INTU: variants seen among roughly 807,000 people sequenced by gnomAD.
The protein encoded by INTU is inturned planar cell polarity protein.
Under a neutral mutation model 100.5 loss-of-function variants are expected in INTU, and 68 were observed. The ratio of observed to expected loss-of-function variants is 0.68; its 90% CI spans 0.56 to 0.83. The LOEUF is 0.83. Ranked by LOEUF, INTU falls within the 40% of genes least tolerant of loss-of-function variation. The pLI is 0.00. For synonymous variants in INTU, 357 were observed against 395.7 expected (o/e 0.90, Z 1.16); for missense variants, 1,071 against 1,114.7 (o/e 0.96, Z 0.56).
At chr4:127,694,713 T>C (rs370508475) in intron 8 of INTU, among the ~76,000 whole-genome samples, 44 of 152,300 alleles carry the variant, frequency 2.9e-4, no homozygotes, top group East Asian at 2.7e-3. Context: ...TGTGTCTAGA[T>C]TGATATTTTT....
At chr4:127,656,189 C>T (rs1051488845) in intron 2 of INTU, among the ~76,000 whole-genome samples, 12 of 152,172 alleles carry the variant, frequency 7.9e-5, no homozygotes, top group African/African-American at 1.7e-4. Flanking sequence ...TCTTCTGCGT[C>T]GCTCACACTG....
At chr4:127,643,475 T>G (rs762089930) in intron 1 of INTU, 46 bp from the exon 2 acceptor site, 146 of 1,482,652 alleles carry the variant, frequency 9.8e-5, no homozygotes, top group Non-Finnish European at 5.8e-5. Context: ...TACCTTTCTT[T>G]TATATATTGG....
At chr4:127,684,695 A>C (rs1578599508) in intron 7 of INTU, among the ~76,000 whole-genome samples, 8 of 123,876 alleles carry the variant, frequency 6.5e-5, no homozygotes, top group East Asian at 4.6e-4. Context: ...TTATTCCTCC[A>C]CCTCCTTCTT....
At chr4:127,633,609 A>C (rs1413690978) in intron 1 of INTU, among the ~76,000 whole-genome samples, 1 of 152,080 alleles carries the variant, frequency 6.6e-6, no homozygotes, top group African/African-American at 2.4e-5. Context: ...GCAGTTGTTA[A>C]ATTTATGTAG....
intron 6 of INTU, among the ~76,000 whole-genome samples, chr4:127,674,483 A>G (rs1432600527): frequency 6.6e-6 from 1 of 152,180 alleles, no homozygotes; most frequent in African/African-American, 2.4e-5. Context: ...CTGAGAGATG[A>G]GCTCTGCCTC....
chr4:127,633,886 C>G (rs1336851519), intron 1 of INTU, among the ~76,000 whole-genome samples: 1 of 152,052 alleles, frequency 6.6e-6, no homozygotes, highest in Non-Finnish European at 1.5e-5. Flanking sequence ...AAAAATCTAC[C>G]CCTTACTGCT....
At chr4:127,674,842 C>T (rs550776716) in intron 6 of INTU, among the ~76,000 whole-genome samples, 5 of 152,246 alleles carry the variant, frequency 3.3e-5, no homozygotes, top group South Asian at 4.1e-4. Flanking sequence ...CACTTCCAGA[C>T]GTACTTAGTG....
At chr4:127,670,714 A>G (rs560568257) in intron 5 of INTU, among the ~76,000 whole-genome samples, 1 of 152,176 alleles carries the variant, frequency 6.6e-6, no homozygotes, top group South Asian at 2.1e-4. Flanking sequence ...AAATTATGCT[A>G]CAAGGCTTTC....
At position 127,694,995 on chromosome 4, in the gene INTU, T is replaced by C. The variant is rs562135450; in HGVS notation, c.1450-5015T>C. Among the ~76,000 whole-genome samples the C allele has an allele frequency of 9.6e-4, 147 of 152,342 alleles. 4 individuals are homozygous for C. Among genetic ancestry groups the C allele is most frequent in the Admixed American group, 3.7e-3 (56 of 15,296 alleles). On this transcript the variant is annotated intron_variant, in intron 8 of 15. Transcript: ENST00000335251. ...ATTGTACTGGCTGTTCTTGGTCTTTTGCTTCTCCATATAAACTTTAGAATA... is the reference window on the plus strand; with the variant it reads ...ATTGTACTGGCTGTTCTTGGTCTTTCGCTTCTCCATATAAACTTTAGAATA...
chr4:127,703,236 A>G (rs1339503280), intron 9 of INTU, among the ~76,000 whole-genome samples: 16 of 152,090 alleles, frequency 1.1e-4, no homozygotes, highest in Admixed American at 9.8e-4. Flanking sequence ...CCATTCCCCA[A>G]TTGAGGAATG....
At chr4:127,690,228 T>G (rs1319171705) in intron 8 of INTU, among the ~76,000 whole-genome samples, 1 of 152,236 alleles carries the variant, frequency 6.6e-6, no homozygotes, top group Admixed American at 6.5e-5. Flanking sequence ...TAGCATATAT[T>G]TCTTTAAAAG....
intron 6 of INTU, chr4:127,683,940 C>T (rs1263828512): frequency 2.6e-5 from 4 of 152,360 alleles, no homozygotes; most frequent in African/African-American, 9.7e-5. Flanking sequence ...TACTTTCTTC[C>T]CATCCTCCAT....
chr4:127,686,091 C>A (rs1729811364), intron 7 of INTU: 1 of 151,926 alleles, frequency 6.6e-6, no homozygotes, highest in African/African-American at 2.4e-5. Flanking sequence ...ATATTAAGGG[C>A]CAATTGTGAA....
At chr4:127,677,723 C>G (rs992211859) in intron 6 of INTU, among the ~76,000 whole-genome samples, 1 of 152,206 alleles carries the variant, frequency 6.6e-6, no homozygotes, top group Non-Finnish European at 1.5e-5. Flanking sequence ...CGCAGCTCCT[C>G]ACCAGCAACG....
In INTU at chr4:127,632,969, G is replaced by A. The variant is rs1726897616; in HGVS notation, c.-66G>A. The A allele has an allele frequency of 6.6e-7, 1 of 1,521,618 alleles. No individual in the cohort carries two copies. Among genetic ancestry groups the A allele is most frequent in the Non-Finnish European group, 8.9e-7 (1 of 1,122,138 alleles). The allele number at this position is 1,521,618 out of a possible 1,614,324, so 94.3% of individuals were successfully genotyped here. On this transcript the variant is annotated 5_prime_UTR_variant, in exon 1 of 16. Coordinates refer to ENST00000335251, the MANE Select transcript of INTU (RefSeq NM_015693.4). ...CCCCTTCCCAAGCAGAGGCAACATGGCGGCCTTAGCAAGCTATAGCTGCGA... is the reference window on the plus strand; with the variant it reads ...CCCCTTCCCAAGCAGAGGCAACATGACGGCCTTAGCAAGCTATAGCTGCGA...
intron 8 of INTU, among the ~76,000 whole-genome samples, chr4:127,692,434 A>T (rs887557951): frequency 1.3e-5 from 2 of 151,326 alleles, no homozygotes; most frequent in African/African-American, 4.9e-5. Context: ...TTTTGATGGG[A>T]TTGTTTGTTT....
chr4:127,711,878 C>T (rs1462338079), intron 14 of INTU, among the ~76,000 whole-genome samples: 3 of 152,116 alleles, frequency 2.0e-5, no homozygotes, highest in Non-Finnish European at 4.4e-5. Flanking sequence ...TGGTTGATTG[C>T]TTGCTTGCTT....
intron 15 of INTU, among the ~76,000 whole-genome samples, chr4:127,714,400 C>T (rs1241453920): frequency 6.6e-6 from 1 of 151,488 alleles, no homozygotes; most frequent in African/African-American, 2.4e-5. Context: ...TCTTACCATC[C>T]TCTCCCTTTT....
In INTU at chr4:127,706,888, C is replaced by A. The variant is rs570969181; in HGVS notation, c.2190C>A (p.Pro730=). Residue 730 remains proline, a synonymous_variant, in exon 12 of 16, where the codon CCC becomes CCA. Transcript: ENST00000335251. ...CEGGEDDGFS[P]HTTPDAVRKQ... ...GTGGAGAAGATGATGGCTTTAGCCC[C>A]CATACTACACCGGATGCAGTACGGA... 31 of 1,613,988 alleles carry A rather than the reference C, an allele frequency of 1.9e-5. No individual in the cohort carries two copies. In the South Asian group the frequency reaches 3.1e-4, roughly 16 times the overall value.
Sources: allele counts gnomAD v4.1 joint callset (sites outside exome capture counted in the v4.1 genomes callset), GRCh38; gene constraint gnomAD v4.1.1; transcripts MANE v1.5; gene names NCBI Gene and HGNC (gene_info 2026-07-23, HGNC 2026-07-21).